Variants in NOX4 observed in about 807,000 individuals in gnomAD.
NOX4 encodes NADPH oxidase 4.
Under a neutral mutation model 87.6 loss-of-function variants are expected in NOX4, and 69 were observed. That is an observed-to-expected ratio of 0.79 (90% CI 0.65 to 0.96). The LOEUF is 0.96. Among genes scored for constraint, NOX4 ranks in the 40% least tolerant of loss-of-function variants. The pLI is 0.00. For synonymous variants in NOX4, 275 were observed against 238.2 expected (o/e 1.15, Z -1.42); for missense variants, 680 against 681.5 (o/e 1.00, Z 0.02).
intron 6 of NOX4, among the ~76,000 whole-genome samples, chr11:89,433,924 A>G (rs1344254889): frequency 6.6e-6 from 1 of 152,110 alleles, no homozygotes; most frequent in Non-Finnish European, 1.5e-5. Flanking sequence ...GTATTGTATT[A>G]TTACAAAATT....
intron 2 of NOX4, among the ~76,000 whole-genome samples, chr11:89,482,911 A>T (rs1946449077): frequency 6.6e-6 from 1 of 152,034 alleles, no homozygotes; most frequent in Non-Finnish European, 1.5e-5. Flanking sequence ...TCAGAACCTC[A>T]CCTGGAAAGC....
chr11:89,463,601 A>C (rs528590987), intron 2 of NOX4, among the ~76,000 whole-genome samples: 2 of 152,106 alleles, frequency 1.3e-5, no homozygotes, highest in East Asian at 3.9e-4. Context: ...CTTTGTGTTT[A>C]TTGTCAGCAT....
At chr11:89,543,732 A>G in the NOX4 span, among the ~76,000 whole-genome samples, 758 of 152,254 alleles carry the variant, frequency 5.0e-3, 3 homozygotes, top group African/African-American at 0.01. Context: ...TGAGGATGAC[A>G]GATAGTGTAA....
At chr11:89,401,833 G>A (rs146233082) in intron 9 of NOX4, among the ~76,000 whole-genome samples, 1,556 of 152,186 alleles carry the variant, frequency 0.01, 30 homozygotes, top group African/African-American at 0.036. Flanking sequence ...CATTCTGTAT[G>A]TCTAATAAGT....
intron 6 of NOX4, among the ~76,000 whole-genome samples, chr11:89,438,891 TA>T (rs1399323114): frequency 1.1e-3 from 57 of 54,030 alleles, no homozygotes; most frequent in Middle Eastern, 0.022. Context: ...TAATATATTA[TA>T]TATTATATAT....
chr11:89,527,824 G>A, the NOX4 span, among the ~76,000 whole-genome samples: 5 of 152,156 alleles, frequency 3.3e-5, no homozygotes, highest in African/African-American at 1.2e-4. Flanking sequence ...AAGGGAAAGG[G>A]AGGGTAAGAG....
the NOX4 span, among the ~76,000 whole-genome samples, chr11:89,512,365 TC>T: frequency 6.6e-6 from 1 of 152,086 alleles, no homozygotes; most frequent in Non-Finnish European, 1.5e-5. Flanking sequence ...TTACAGCAGA[TC>T]TCTGGAATAT....
the NOX4 span, among the ~76,000 whole-genome samples, chr11:89,569,602 T>C: frequency 6.6e-6 from 1 of 152,136 alleles, no homozygotes; most frequent in Non-Finnish European, 1.5e-5. Flanking sequence ...AGCAGGAATG[T>C]AAATTAGTTC....
At chr11:89,389,062 C>A (rs1045802426) in intron 11 of NOX4, among the ~76,000 whole-genome samples, 3 of 152,140 alleles carry the variant, frequency 2.0e-5, no homozygotes, top group African/African-American at 7.2e-5. Flanking sequence ...CTGTGGTATT[C>A]CAAAATCCAT....
chr11:89,434,320 A>T (rs553261363), intron 6 of NOX4, among the ~76,000 whole-genome samples: 140 of 152,176 alleles, frequency 9.2e-4, no homozygotes, highest in African/African-American at 3.1e-3. Context: ...GCACTTGAGT[A>T]CTCGCACCTC....
At chr11:89,439,763 A>C (rs916817222) in intron 6 of NOX4, among the ~76,000 whole-genome samples, 15 of 152,184 alleles carry the variant, frequency 9.9e-5, no homozygotes, top group African/African-American at 2.9e-4. Context: ...ATCAGGGGAA[A>C]TTTTGAGATG....
the NOX4 span, among the ~76,000 whole-genome samples, chr11:89,587,387 AG>A: frequency 6.6e-6 from 1 of 152,198 alleles, no homozygotes; most frequent in Non-Finnish European, 1.5e-5. Context: ...CAGATAGTCC[AG>A]GGATGGAGAT....
At chr11:89,433,645 G>A (rs933181382) in intron 6 of NOX4, among the ~76,000 whole-genome samples, 4 of 151,960 alleles carry the variant, frequency 2.6e-5, no homozygotes, top group African/African-American at 9.7e-5. Flanking sequence ...AAAAATTGGA[G>A]GTTTCTAGAA....
At chr11:89,389,745 T>C (rs539827892) in intron 11 of NOX4, among the ~76,000 whole-genome samples, 25 of 152,152 alleles carry the variant, frequency 1.6e-4, no homozygotes, top group Non-Finnish European at 3.4e-4. Flanking sequence ...CATGGAAGGA[T>C]AGTGTGGCAG....
intron 1 of NOX4, chr11:89,497,893 A>G (rs181815716): frequency 3.3e-5 from 5 of 152,290 alleles, no homozygotes; most frequent in African/African-American, 1.2e-4. Context: ...TTACACTAAT[A>G]TGATATTCTG....
intron 11 of NOX4, among the ~76,000 whole-genome samples, chr11:89,375,775 A>G (rs1374989293): frequency 2.0e-5 from 3 of 152,168 alleles, no homozygotes; most frequent in African/African-American, 7.2e-5. Context: ...AAGATACCCA[A>G]CAGAGATCTG....
chr11:89,371,682 A>G (rs190503176), intron 12 of NOX4, among the ~76,000 whole-genome samples: 130 of 148,996 alleles, frequency 8.7e-4, no homozygotes, highest in East Asian at 5.9e-3. Flanking sequence ...AAAACAGTAG[A>G]AAAAAAAAAC....
the NOX4 span, chr11:89,545,637 T>C: frequency 6.6e-5 from 10 of 151,758 alleles, no homozygotes; most frequent in Non-Finnish European, 1.2e-4. Context: ...TAAATATGGT[T>C]GAGGCATTGT....
At chr11:89,426,666 G>A (rs1325912722) in intron 7 of NOX4, among the ~76,000 whole-genome samples, 1 of 152,134 alleles carries the variant, frequency 6.6e-6, no homozygotes, top group Non-Finnish European at 1.5e-5. Flanking sequence ...GCAGCAGCAA[G>A]GCTTGGGGAG....
Sources: allele counts gnomAD v4.1 joint callset (sites outside exome capture counted in the v4.1 genomes callset), GRCh38; gene constraint gnomAD v4.1.1; transcripts MANE v1.5; gene names NCBI Gene and HGNC (gene_info 2026-07-23, HGNC 2026-07-21).